KLHL1: variants seen among roughly 807,000 people sequenced by gnomAD.
The protein encoded by KLHL1 is kelch like family member 1.
A neutral mutation model predicts 77.7 loss-of-function variants in KLHL1; 47 were observed. The ratio of observed to expected loss-of-function variants is 0.60; its 90% CI spans 0.48 to 0.77. The LOEUF (loss-of-function observed/expected upper bound fraction) is 0.77, where lower values mean the gene tolerates loss of function less well. KLHL1 is among the 30% of genes least tolerant of loss of function. KLHL1 has a pLI of 0.00. For synonymous variants in KLHL1, 360 were observed against 325.2 expected (o/e 1.11, Z -1.15); for missense variants, 925 against 910.8 (o/e 1.02, Z -0.20).
intron 5 of KLHL1, among the ~76,000 whole-genome samples, chr13:69,861,046 C>T (rs2138152213): frequency 6.6e-6 from 1 of 152,086 alleles, no homozygotes; most frequent in East Asian, 1.9e-4. Flanking sequence ...CAGTGAGATT[C>T]TAATCATCAG....
At chr13:69,721,089 A>ATATATATATATATATATATACAAATT (rs1256189383) in intron 8 of KLHL1, among the ~76,000 whole-genome samples, 2 of 77,914 alleles carry the variant, frequency 2.6e-5, no homozygotes, top group Non-Finnish European at 5.8e-5. Context: ...AAAGCTATGT[A>ATATATATATATATATATATACAAATT]CCTCCCTTAC....
At chr13:69,951,142 T>C (rs1883695074) in intron 3 of KLHL1, among the ~76,000 whole-genome samples, 1 of 151,626 alleles carries the variant, frequency 6.6e-6, no homozygotes, top group Non-Finnish European at 1.5e-5. Flanking sequence ...TTTCTATGAA[T>C]ACAAACAGAG....
chr13:70,058,070 C>T (rs1480208459), intron 1 of KLHL1, among the ~76,000 whole-genome samples: 2 of 151,950 alleles, frequency 1.3e-5, no homozygotes, highest in Non-Finnish European at 2.9e-5. Flanking sequence ...ACTTAAAAAT[C>T]AGATGATAGA....
intron 6 of KLHL1, among the ~76,000 whole-genome samples, chr13:69,824,335 C>A (rs1039987231): frequency 1.3e-5 from 2 of 151,932 alleles, no homozygotes; most frequent in Non-Finnish European, 2.9e-5. Flanking sequence ...TGTTGTAATT[C>A]ACTCAGTGAC....
chr13:69,857,493 T>C (rs1411220411), intron 5 of KLHL1, among the ~76,000 whole-genome samples: 3 of 152,096 alleles, frequency 2.0e-5, no homozygotes, highest in Non-Finnish European at 4.4e-5. Context: ...GACATTAATG[T>C]ATGGTGATGA....
chr13:69,844,737 C>G (rs1189566210), intron 5 of KLHL1, among the ~76,000 whole-genome samples: 1 of 151,554 alleles, frequency 6.6e-6, no homozygotes, highest in East Asian at 1.9e-4. Context: ...TAATTTGATT[C>G]AAGCAATAAG....
In KLHL1 at chr13:70,066,772, C is replaced by T. The variant is rs1258630767; in HGVS notation, c.497+40431G>A. On this transcript the variant is annotated intron_variant, in intron 1 of 10. Coordinates refer to ENST00000377844, the MANE Select transcript of KLHL1 (RefSeq NM_020866.3). The stretch of plus-strand genomic sequence containing the variant: ...CTAGCACATCACAGCCTATGCTAAG[C>T]TCTTAGATTTTTATTTGTAACCACA... Among the ~76,000 whole-genome samples, 12 of 152,200 alleles carry T rather than the reference C, an allele frequency of 7.9e-5. No homozygotes were observed. In the East Asian group the frequency reaches 2.1e-3, roughly 27 times the overall value.
intron 1 of KLHL1, among the ~76,000 whole-genome samples, chr13:69,981,310 A>G (rs560959899): frequency 1.7e-3 from 253 of 152,242 alleles, no homozygotes; most frequent in African/African-American, 5.7e-3. Flanking sequence ...GAATTTCTGG[A>G]TGACTAGATT....
chr13:69,809,422 G>T (rs145212803), intron 6 of KLHL1, among the ~76,000 whole-genome samples: 1,838 of 152,172 alleles, frequency 0.012, 37 homozygotes, highest in African/African-American at 0.041. Context: ...TTAAAGCAAA[G>T]AAATGCCAGC....
At chr13:69,712,485 A>C (rs1412944942) in intron 9 of KLHL1, among the ~76,000 whole-genome samples, 2 of 151,970 alleles carry the variant, frequency 1.3e-5, no homozygotes, top group Non-Finnish European at 2.9e-5. Context: ...CATAATCAAG[A>C]TTCTTTATAT....
At chr13:69,750,080 G>A (rs1874406155) in intron 7 of KLHL1, among the ~76,000 whole-genome samples, 2 of 151,230 alleles carry the variant, frequency 1.3e-5, no homozygotes, top group Non-Finnish European at 3.0e-5. Flanking sequence ...TAATAATAAT[G>A]TATTTAAATT....
At chr13:69,849,739 C>A (rs1401444790) in intron 5 of KLHL1, among the ~76,000 whole-genome samples, 2 of 150,756 alleles carry the variant, frequency 1.3e-5, no homozygotes. Context: ...AAAAAAAAAT[C>A]TGCTATTTAT....
intron 4 of KLHL1, among the ~76,000 whole-genome samples, chr13:69,890,054 T>TA (rs955722739): frequency 6.6e-6 from 1 of 151,962 alleles, no homozygotes; most frequent in African/African-American, 2.4e-5. Context: ...TATATAAATT[T>TA]AAAAAAAGAA....
At position 70,107,756 on chromosome 13, in the gene KLHL1, A is replaced by G. The variant is rs1888110020; in HGVS notation, c.-57T>C. On this transcript the variant is annotated 5_prime_UTR_variant, in exon 1 of 11. Transcript: ENST00000377844. ...CTCACGCAGGAGTAGGCTGGTCAGCAGGTGGGGGAGGACAGCGGGGCCCGG... is the reference window on the plus strand; with the variant it reads ...CTCACGCAGGAGTAGGCTGGTCAGCGGGTGGGGGAGGACAGCGGGGCCCGG... The G allele has an allele frequency of 7.4e-7, 1 of 1,344,050 alleles. No homozygotes were observed. Among genetic ancestry groups the G allele is most frequent in the South Asian group, 1.5e-5 (1 of 67,602 alleles). The allele number at this position is 1,344,050 out of a possible 1,614,324, so 83.3% of individuals were successfully genotyped here.
At chr13:70,018,601 G>C (rs1289899112) in intron 1 of KLHL1, among the ~76,000 whole-genome samples, 2 of 152,176 alleles carry the variant, frequency 1.3e-5, no homozygotes, top group African/African-American at 4.8e-5. Flanking sequence ...TGAAAGCAAA[G>C]CTCAAAGAAA....
At chr13:69,837,657 T>C (rs1879071013) in intron 6 of KLHL1, among the ~76,000 whole-genome samples, 1 of 94,296 alleles carries the variant, frequency 1.1e-5, no homozygotes, top group African/African-American at 5.5e-5. Context: ...TATATATATA[T>C]GTGTGTGTGT....
intron 1 of KLHL1, among the ~76,000 whole-genome samples, chr13:70,026,705 TGTGTGTGTGTG>T (rs1566510714): frequency 1.6e-4 from 19 of 121,076 alleles, no homozygotes; most frequent in South Asian, 4.5e-4. Flanking sequence ...GAACTTAGGG[TGTGTGTGTGTG>T]TGTGTGTGTG....
chr13:69,829,025 G>T lies in KLHL1; in HGVS notation c.1414+9951C>A, dbSNP rs973964663. Among the ~76,000 whole-genome samples the T allele has an allele frequency of 3.3e-5, 5 of 150,518 alleles. No homozygotes were observed. In the South Asian group the frequency reaches 8.4e-4, roughly 25 times the overall value. On this transcript the variant is annotated intron_variant, in intron 6 of 10. Coordinates refer to ENST00000377844, the MANE Select transcript of KLHL1 (RefSeq NM_020866.3). ...TAGGAGCTCTAAGGCCTTGCCCATT[G>T]CCTGAGAAACCCAAAGTATACTTAT... is the stretch of plus-strand genomic sequence containing the variant.
chr13:69,852,929 A>G (rs1009511729), intron 5 of KLHL1, among the ~76,000 whole-genome samples: 2 of 151,986 alleles, frequency 1.3e-5, no homozygotes, highest in Non-Finnish European at 2.9e-5. Flanking sequence ...GAATGTGTCA[A>G]ACCCTATGCC....
Sources: allele counts gnomAD v4.1 joint callset (sites outside exome capture counted in the v4.1 genomes callset), GRCh38; gene constraint gnomAD v4.1.1; transcripts MANE v1.5; gene names NCBI Gene and HGNC (gene_info 2026-07-23, HGNC 2026-07-21).